The following ZNF18 variants were observed in gnomAD, a reference collection of about 807,000 sequenced individuals.
The protein encoded by ZNF18 is heart development-specific gene 1 protein.
ZNF18 carries 42 observed loss-of-function variants against 58.1 expected under a neutral mutation model. That is an observed-to-expected ratio of 0.72 (90% CI 0.56 to 0.93). The LOEUF is 0.93. Among genes scored for constraint, ZNF18 ranks in the 40% least tolerant of loss-of-function variants. The pLI is 0.00. For synonymous variants in ZNF18, 231 were observed against 239.8 expected, an observed-to-expected ratio of 0.96 and a Z score of 0.34; for missense variants, 540 against 644.2, an observed-to-expected ratio of 0.84 and a Z score of 1.75.
intron 4 of ZNF18, among the ~76,000 whole-genome samples, chr17:11,989,158 CAA>C (rs34643808): frequency 5.1e-4 from 61 of 119,826 alleles, no homozygotes; most frequent in Middle Eastern, 4.8e-3. Context: ...GACCCTGTCT[CAA>C]AAAAAAAAAA....
At chr17:11,982,226 T>C (rs985430727) in intron 6 of ZNF18, among the ~76,000 whole-genome samples, 1 of 152,238 alleles carries the variant, frequency 6.6e-6, no homozygotes, top group Non-Finnish European at 1.5e-5. Context: ...TATGGTATTT[T>C]GTTACAGCAG....
the ZNF18 span, among the ~76,000 whole-genome samples, chr17:12,017,009 C>A: frequency 3.0e-4 from 46 of 152,012 alleles, no homozygotes; most frequent in African/African-American, 1.0e-3. Context: ...CAAGCCTGGG[C>A]AACATGGTGA....
chr17:11,982,659 T>TGTGTGC (rs1967441321), intron 6 of ZNF18, among the ~76,000 whole-genome samples: 1 of 99,790 alleles, frequency 1.0e-5, no homozygotes, highest in East Asian at 3.1e-4. Context: ...TATATAAAAG[T>TGTGTGC]GTGTGTGTGT....
upstream of ZNF18, chr17:11,998,253 A>G (rs952304432): frequency 6.6e-6 from 1 of 152,038 alleles, no homozygotes; most frequent in Non-Finnish European, 1.5e-5. Context: ...CCCTTTCCCC[A>G]GCGTCCAGTG....
intron 4 of ZNF18, among the ~76,000 whole-genome samples, chr17:11,988,458 T>C (rs1967891302): frequency 6.6e-6 from 1 of 152,064 alleles, no homozygotes; most frequent in Non-Finnish European, 1.5e-5. Flanking sequence ...GTAGAAAAAC[T>C]GGAGAGAAGG....
intron 4 of ZNF18, among the ~76,000 whole-genome samples, chr17:11,985,996 C>T (rs886693999): frequency 3.3e-5 from 5 of 152,198 alleles, no homozygotes; most frequent in African/African-American, 9.7e-5. Context: ...TCTGTGTCCC[C>T]ACCCAAATCT....
chr17:11,977,680 A>C lies in ZNF18; in HGVS notation c.*277T>G, dbSNP rs780332941. On this transcript the variant is annotated 3_prime_UTR_variant, in exon 7 of 7. Transcript: ENST00000580306. ...AAAGCACTTCTAAAACTGGATCTCC[A>C]ATTTAGACTTTTTCCCCGATGGGTC... 3 of 334,712 alleles carry C rather than the reference A, an allele frequency of 9.0e-6. No individual in the cohort carries two copies. Among genetic ancestry groups the C allele is most frequent in the Non-Finnish European group, 1.6e-5 (3 of 185,612 alleles). 20.7% of individuals were successfully genotyped at this position (334,712 alleles called of 1,614,324 possible).
At chr17:11,993,155 A>G (rs768701556) in intron 1 of ZNF18, among the ~76,000 whole-genome samples, 9 of 152,214 alleles carry the variant, frequency 5.9e-5, no homozygotes, top group Non-Finnish European at 1.0e-4. Flanking sequence ...TGGTCTTCAA[A>G]TGTCCAGACA....
At chr17:12,014,030 T>A in the ZNF18 span, among the ~76,000 whole-genome samples, 1 of 152,226 alleles carries the variant, frequency 6.6e-6, no homozygotes, top group Non-Finnish European at 1.5e-5. Flanking sequence ...TTTTAGTTTA[T>A]AAGAAATATA....
the ZNF18 span, among the ~76,000 whole-genome samples, chr17:12,011,695 A>ATTTTTTTTTT: frequency 1.1e-5 from 1 of 87,588 alleles, no homozygotes; most frequent in Non-Finnish European, 2.1e-5. Flanking sequence ...AATGTTCTTA[A>ATTTTTTTTTT]TTTTTTTTTT....
At chr17:12,016,532 G>T in the ZNF18 span, among the ~76,000 whole-genome samples, 1 of 151,994 alleles carries the variant, frequency 6.6e-6, no homozygotes, top group Admixed American at 6.5e-5. Flanking sequence ...GTTTCGCGAT[G>T]TTGCCCACCT....
At chr17:11,983,591 C>T (rs1225018610) in intron 5 of ZNF18, among the ~76,000 whole-genome samples, 184 bp from the exon 6 acceptor site, 1 of 152,150 alleles carries the variant, frequency 6.6e-6, no homozygotes, top group African/African-American at 2.4e-5. Flanking sequence ...ATGACCTTGA[C>T]AGATGGTAAA....
At chr17:12,014,885 A>G in the ZNF18 span, among the ~76,000 whole-genome samples, 88 of 152,202 alleles carry the variant, frequency 5.8e-4, no homozygotes, top group African/African-American at 1.9e-3. Context: ...CGTCTCTACT[A>G]AAAATACAAA....
chr17:11,984,310 T>C (rs568284184), intron 4 of ZNF18, 113 bp from the exon 5 acceptor site: 136 of 1,038,858 alleles, frequency 1.3e-4, no homozygotes, highest in African/African-American at 1.0e-3. Context: ...CATAGGATCC[T>C]GGCCATCGCA....
intron 1 of ZNF18, chr17:11,993,781 G>C (rs182522007): frequency 7.9e-6 from 1 of 126,184 alleles, no homozygotes; most frequent in South Asian, 2.6e-4. Context: ...CCAAGATCGC[G>C]CCACTGCACT....
chr17:11,994,894 C>G (rs1046060938), intron 1 of ZNF18, among the ~76,000 whole-genome samples: 1 of 151,994 alleles, frequency 6.6e-6, no homozygotes. Flanking sequence ...TTACTATTCA[C>G]TAAGTGGAAG....
intron 2 of ZNF18, 102 bp downstream of exon 2, chr17:11,992,341 C>G: frequency 2.1e-6 from 3 of 1,456,820 alleles, no homozygotes; most frequent in Non-Finnish European, 2.7e-6. Context: ...AAAGCCCCAC[C>G]CATTTTGTGT....
intron 6 of ZNF18, among the ~76,000 whole-genome samples, chr17:11,978,964 A>T (rs1967172386): frequency 7.0e-6 from 1 of 143,264 alleles, no homozygotes; most frequent in Non-Finnish European, 1.5e-5. Context: ...TCAGCTCTGG[A>T]GCTGAGGATT....
intron 4 of ZNF18, among the ~76,000 whole-genome samples, chr17:11,985,227 A>G (rs893638094): frequency 6.6e-6 from 1 of 152,228 alleles, no homozygotes; most frequent in African/African-American, 2.4e-5. Flanking sequence ...AAAACTGGGA[A>G]TACCATACAG....
Sources: gnomAD v4.1 joint callset for allele counts (sites outside exome capture counted in the v4.1 genomes callset) on GRCh38, gnomAD v4.1.1 for gene constraint, MANE v1.5 for transcripts, NCBI Gene and HGNC (gene_info 2026-07-23, HGNC 2026-07-21) for gene names.